Variants in CPEB2 observed in about 807,000 individuals in gnomAD.
CPEB2 encodes the protein cytoplasmic polyadenylation element-binding protein 2.
Under a neutral mutation model 93.6 loss-of-function variants are expected in CPEB2, and 56 were observed. The observed-to-expected ratio is 0.60, with a 90% CI of 0.48 to 0.75. The LOEUF (loss-of-function observed/expected upper bound fraction) is 0.75. Ranked by LOEUF, CPEB2 falls within the 30% of genes least tolerant of loss-of-function variation. The pLI is 0.00. For missense variants in CPEB2, 1,579 were observed against 1,395.1 expected (o/e 1.13, Z -2.10); for synonymous variants, 764 against 586.3 (o/e 1.30, Z -4.38).
intron 6 of CPEB2, among the ~76,000 whole-genome samples, chr4:15,050,722 G>A (rs1728147506): frequency 6.6e-6 from 1 of 151,630 alleles, no homozygotes; most frequent in African/African-American, 2.4e-5. Context: ...ATGATATTTT[G>A]GCTGCCCTCC....
At chr4:15,065,037 A>G (rs1729571584) in intron 11 of CPEB2, among the ~76,000 whole-genome samples, 1 of 152,154 alleles carries the variant, frequency 6.6e-6, no homozygotes, top group African/African-American at 2.4e-5. Flanking sequence ...AAATATATTT[A>G]TCCTAATCCT....
intron 5 of CPEB2, 114 bp from the exon 6 acceptor site, chr4:15,040,350 C>A: frequency 1.1e-6 from 1 of 913,716 alleles, no homozygotes; most frequent in Non-Finnish European, 1.7e-6. Context: ...GCTCTTAAAA[C>A]AAAGTAGCAC....
Position 15,069,168 on chromosome 4 carries a change from C to T in CPEB2, c.*2788C>T, listed in dbSNP as rs913613003. 1.3e-5 allele frequency: 2 copies of T among 152,002 alleles called. No individual in the cohort carries two copies. Among genetic ancestry groups the T allele is most frequent in the Non-Finnish European group, 3.0e-5 (2 of 67,774 alleles). 9.4% of individuals were successfully genotyped at this position (152,002 alleles called of 1,614,324 possible). A position where few individuals can be genotyped will look rare whatever the true frequency, so the allele number is the denominator to read the frequency against. ...TCCACACTTTTTGTTAAGAAGGAAA[C>T]ATTTAGCATTTATATATTTGTGTAT... is the stretch of plus-strand genomic sequence containing the variant. On this transcript the variant is annotated 3_prime_UTR_variant, in exon 12 of 12. Transcript: ENST00000538197.
At chr4:15,014,586 C>G (rs1004399587) in intron 3 of CPEB2, among the ~76,000 whole-genome samples, 61 of 151,998 alleles carry the variant, frequency 4.0e-4, no homozygotes, top group African/African-American at 1.4e-3. Flanking sequence ...ACTACCTGTT[C>G]CGTTGAGGAT....
rs1364163239 is a variant in CPEB2, at chr4:15,049,415, C to CTTTATACAATAA, written c.2201-2999_2201-2998insTTTATACAATAA. 2.0e-5 allele frequency among the ~76,000 whole-genome samples: 3 copies of CTTTATACAATAA among 150,836 alleles called. No individual in the cohort carries two copies. The Admixed American group carries it at 2.0e-4, about 10-fold the overall frequency. On this transcript the variant is annotated intron_variant, in intron 6 of 11. Transcript: ENST00000538197. Reference sequence around the variant, plus strand: ...GTGAAAAACTTTCCAAAGTATTGTACATCTGAAATAAATATAGAATTTGGA... The same window carrying CTTTATACAATAA: ...GTGAAAAACTTTCCAAAGTATTGTACTTTATACAATAAATCTGAAATAAATATAGAATTTGGA...
intron 1 of CPEB2, chr4:15,004,949 TTTA>T (rs1270946972): frequency 2.0e-5 from 3 of 152,176 alleles, no homozygotes; most frequent in Non-Finnish European, 4.4e-5. Context: ...TTGGAGTTTG[TTTA>T]TTCTTATTTG....
intron 2 of CPEB2, among the ~76,000 whole-genome samples, chr4:15,008,105 A>T (rs1723054559): frequency 6.6e-6 from 1 of 152,132 alleles, no homozygotes; most frequent in Non-Finnish European, 1.5e-5. Flanking sequence ...AATGTGGCCT[A>T]ATACGTTGAT....
intron 8 of CPEB2, among the ~76,000 whole-genome samples, chr4:15,057,970 T>G (rs1728865088): frequency 6.6e-6 from 1 of 152,140 alleles, no homozygotes; most frequent in Non-Finnish European, 1.5e-5. Flanking sequence ...AAACTCTAGC[T>G]CCAGATATAC....
Position 15,066,687 on chromosome 4 carries a change from A to G in CPEB2, c.*307A>G. On this transcript the variant is annotated 3_prime_UTR_variant, in exon 12 of 12. Coordinates refer to ENST00000538197, the MANE Select transcript of CPEB2 (RefSeq NM_001177382.2). ...TATGAGAATGTTTTGCGTAGGGGCA[A>G]CACAGTCTGCTGCTATATAGTGGGG... 2.9e-6 allele frequency: 1 copy of G among 339,254 alleles called. No homozygotes were observed. The highest frequency in any genetic ancestry group is 5.5e-6 in the Non-Finnish European group (1 of 182,168). 21.0% of individuals were successfully genotyped at this position (339,254 alleles called of 1,614,324 possible). A position where few individuals can be genotyped will look rare whatever the true frequency, so the allele number is the denominator to read the frequency against.
chr4:15,061,604 T>A (rs1729195618), intron 10 of CPEB2, among the ~76,000 whole-genome samples: 1 of 151,070 alleles, frequency 6.6e-6, no homozygotes, highest in Non-Finnish European at 1.5e-5. Context: ...TTTGAGAAAT[T>A]TGGTTGTAAA....
intron 4 of CPEB2, among the ~76,000 whole-genome samples, chr4:15,018,515 A>C (rs1724423122): frequency 6.7e-6 from 1 of 149,722 alleles, no homozygotes; most frequent in African/African-American, 2.5e-5. Context: ...ACCAAAGTTC[A>C]GCTTAGTTTT....
chr4:15,061,930 T>A (rs1443139817), intron 10 of CPEB2, 149 bp from the exon 11 acceptor site: 10 of 684,994 alleles, frequency 1.5e-5, no homozygotes, highest in Non-Finnish European at 2.1e-5. Context: ...TCGATCCCCG[T>A]CCTTTTTTAA....
rs534605814 is a variant in CPEB2, at chr4:15,030,509, G to A, written c.2126-2652G>A. 2.6e-5 allele frequency among the ~76,000 whole-genome samples: 4 copies of A among 152,188 alleles called. No individual in the cohort carries two copies. The South Asian group carries it at 8.3e-4, about 32-fold the overall frequency. ...AACATAGAAAAGCTCCTGGCTCAGAGTATAGCCTCAAATGCTGTTAGTTCT... is the reference window on the plus strand; with the variant it reads ...AACATAGAAAAGCTCCTGGCTCAGAATATAGCCTCAAATGCTGTTAGTTCT... On this transcript the variant is annotated intron_variant, in intron 4 of 11. Coordinates refer to ENST00000538197, the MANE Select transcript of CPEB2 (RefSeq NM_001177382.2).
intron 6 of CPEB2, among the ~76,000 whole-genome samples, chr4:15,044,891 TC>T (rs988594776): frequency 1.7e-4 from 26 of 152,320 alleles, no homozygotes; most frequent in African/African-American, 5.8e-4. Flanking sequence ...GTTTTGCTCT[TC>T]CTTCTCTTAT....
intron 8 of CPEB2, among the ~76,000 whole-genome samples, chr4:15,055,055 A>G (rs1334970034): frequency 6.6e-6 from 1 of 152,214 alleles, no homozygotes; most frequent in Non-Finnish European, 1.5e-5. Flanking sequence ...CTGGGAAATG[A>G]AGCATGATAA....
At chr4:15,041,051 C>A (rs1449992492) in intron 6 of CPEB2, among the ~76,000 whole-genome samples, 1 of 152,104 alleles carries the variant, frequency 6.6e-6, no homozygotes, top group East Asian at 1.9e-4. Context: ...ACCTTCTCCC[C>A]TTTCCTTTTT....
rs111964119 is a variant in CPEB2 at position 15,007,404 on chromosome 4, A to T, written c.1762A>T (p.Thr588Ser). 3.0e-4 allele frequency: 490 copies of T among 1,614,102 alleles called. 1 individual carries two copies. The African/African-American group carries it at 5.6e-3, about 18-fold the overall frequency. The stretch of plus-strand genomic sequence containing the variant: ...AATGCATGGCAGAGATCATCGTAGA[A>T]CCGGAAACATGGGAATCCCAGGAAC... ...GAMHGRDHRR[T>S]GNMGIPGTMN... Residue 588 changes from threonine to serine, a missense_variant, in exon 2 of 12, where the codon ACC (threonine) becomes TCC (serine). Thr to Ser is a moderately conservative substitution (Grantham distance 58). This residue lies in a region of CPEB2 where 1,411 missense variants were observed against 1,056.0 expected (regional missense o/e 1.34). Transcript: ENST00000538197.
At chr4:15,007,206 A>G (rs894430545) in intron 1 of CPEB2, 99 bp from the exon 2 acceptor site, 6 of 1,004,718 alleles carry the variant, frequency 6.0e-6, no homozygotes, top group East Asian at 5.6e-5. Context: ...TTGCCTTTAT[A>G]TATTTCATTC....
intron 5 of CPEB2, 124 bp from the exon 6 acceptor site, chr4:15,040,340 G>T: frequency 2.5e-6 from 2 of 785,650 alleles, no homozygotes; most frequent in Non-Finnish European, 4.1e-6. Context: ...CATTGTCATT[G>T]CTCTTAAAAC....
Sources: gnomAD v4.1 joint callset for allele counts (sites outside exome capture counted in the v4.1 genomes callset) on GRCh38, gnomAD v4.1.1 for gene constraint, gnomAD v4.1.1 regional missense constraint, MANE v1.5 for transcripts, NCBI Gene and HGNC (gene_info 2026-07-23, HGNC 2026-07-21) for gene names.